LMCD1: variants seen among roughly 807,000 people sequenced by gnomAD.
The protein encoded by LMCD1 is LIM and cysteine rich domains 1, also known as LIM and cysteine-rich domains protein 1.
A neutral mutation model predicts 42.7 loss-of-function variants in LMCD1; 32 were observed. The observed-to-expected ratio is 0.75, with a 90% confidence interval of 0.57 to 1.01. The LOEUF (loss-of-function observed/expected upper bound fraction) is 1.01, where lower values mean the gene tolerates loss of function less well. LMCD1 is among the 50% of genes least tolerant of loss of function. The probability of loss-of-function intolerance (pLI) is 0.00; values close to 1 mark genes in which losing one functional copy is unlikely to be tolerated. For synonymous variants in LMCD1, 178 were observed against 184.9 expected, an observed-to-expected ratio of 0.96 and a Z score of 0.30; for missense variants, 458 against 483.1, an observed-to-expected ratio of 0.95 and a Z score of 0.49.
chr3:8,555,179 C>G (rs1287656186), intron 4 of LMCD1, among the ~76,000 whole-genome samples: 1 of 151,914 alleles, frequency 6.6e-6, no homozygotes, highest in Admixed American at 6.5e-5. Context: ...GGCCTCCGTC[C>G]CCTCCCTCCC....
chr3:8,549,727 G>A (rs1694805176), intron 4 of LMCD1: 1 of 681,860 alleles, frequency 1.5e-6, no homozygotes, highest in Non-Finnish European at 2.7e-6. Flanking sequence ...TACATCTGTG[G>A]AGGCTGAGAA....
intron 4 of LMCD1, among the ~76,000 whole-genome samples, chr3:8,551,583 A>G (rs1001178681): frequency 2.6e-5 from 4 of 152,160 alleles, no homozygotes; most frequent in African/African-American, 9.7e-5. Flanking sequence ...CCGGCTTGTT[A>G]TTTGTTCCAG....
chr3:8,567,990 A>G lies in LMCD1; in HGVS notation c.*392A>G, dbSNP rs538432664. On this transcript the variant is annotated 3_prime_UTR_variant, in exon 6 of 6. Coordinates refer to ENST00000157600, the MANE Select transcript of LMCD1 (RefSeq NM_014583.4). Reference sequence around the variant, plus strand: ...AATGTGCGTGCTTTTTTGTGGACACAGGAGCTCCTCCAGGAGCAGGCTGGG... The same window carrying G: ...AATGTGCGTGCTTTTTTGTGGACACGGGAGCTCCTCCAGGAGCAGGCTGGG... The G allele has an allele frequency of 1.1e-4, 17 of 155,360 alleles. No homozygotes were observed. The highest frequency in any genetic ancestry group is 1.0e-3 in the South Asian group (5 of 4,860). 9.6% of individuals were successfully genotyped at this position (155,360 alleles called of 1,614,324 possible). A position where few individuals can be genotyped will look rare whatever the true frequency, so the allele number is the denominator to read the frequency against.
At chr3:8,509,071 G>A (rs1693941879) in intron 1 of LMCD1, among the ~76,000 whole-genome samples, 3 of 152,176 alleles carry the variant, frequency 2.0e-5, no homozygotes, top group Non-Finnish European at 1.5e-5. Context: ...GCTCACCGTA[G>A]TTCTACATTT....
intron 4 of LMCD1, among the ~76,000 whole-genome samples, chr3:8,551,651 G>A (rs984463721): frequency 3.3e-5 from 5 of 152,162 alleles, no homozygotes; most frequent in African/African-American, 1.2e-4. Context: ...TGAAGCAGGG[G>A]AGGTAATCCT....
chr3:8,538,230 C>T, intron 3 of LMCD1, among the ~76,000 whole-genome samples: 1 of 152,180 alleles, frequency 6.6e-6, no homozygotes. Context: ...GGGTAGATAT[C>T]ACCTGGGGAG....
At chr3:8,551,309 C>A in intron 4 of LMCD1, 13 of 985,438 alleles carry the variant, frequency 1.3e-5, no homozygotes, top group Non-Finnish European at 1.6e-5. Context: ...AAAATGGGAT[C>A]TATTTGGATG....
chr3:8,532,932 G>A, intron 2 of LMCD1, 107 bp downstream of exon 2: 1 of 899,716 alleles, frequency 1.1e-6, no homozygotes, highest in South Asian at 1.5e-5. Flanking sequence ...TGTATGCGTT[G>A]TCAGGGAAGG....
chr3:8,520,360 A>G (rs73130036), intron 1 of LMCD1, among the ~76,000 whole-genome samples: 7,063 of 152,274 alleles, frequency 0.046, 293 homozygotes, highest in African/African-American at 0.1. Context: ...GCTTACAGAT[A>G]TATCCTTGAG....
chr3:8,572,485 T>G lies in LMCD1; in HGVS notation c.*4887T>G, dbSNP rs1348189540. On this transcript the variant is annotated 3_prime_UTR_variant, in exon 6 of 6. Transcript: ENST00000157600. ...AAATTCCACTCACTCATTCTTAGTA[T>G]TCATTGACGTTTACTGATCGAACTA... 6.6e-6 allele frequency: 1 copy of G among 152,246 alleles called. No homozygotes were observed. Among genetic ancestry groups the G allele is most frequent in the Non-Finnish European group, 1.5e-5 (1 of 68,052 alleles). 9.4% of individuals were successfully genotyped at this position (152,246 alleles called of 1,614,324 possible). A position where few individuals can be genotyped will look rare whatever the true frequency, so the allele number is the denominator to read the frequency against.
intron 5 of LMCD1, 103 bp from the exon 6 acceptor site, chr3:8,567,337 G>T: frequency 8.4e-7 from 1 of 1,187,670 alleles, no homozygotes. Flanking sequence ...GTCAAAACAA[G>T]AATAGGATGG....
rs777428418 is a variant in LMCD1, at chr3:8,532,769, T to C, written c.75T>C (p.Gly25=). Residue 25 remains glycine (G), a synonymous_variant, in exon 2 of 6, where the codon GGT becomes GGC. Coordinates refer to ENST00000157600, the MANE Select transcript of LMCD1 (RefSeq NM_014583.4). ...MSLGQLQSAR[G]VACLGCKGTC... Reference sequence around the variant, plus strand: ...TGGGCCAGCTGCAGTCAGCAAGAGGTGTGGCATGTTTGGGATGCAAGGGGA... The same window carrying C: ...TGGGCCAGCTGCAGTCAGCAAGAGGCGTGGCATGTTTGGGATGCAAGGGGA... The C allele has an allele frequency of 1.2e-6, 2 of 1,613,846 alleles. No individual in the cohort carries two copies. The highest frequency in any genetic ancestry group is 1.7e-6 in the Non-Finnish European group (2 of 1,179,892).
At chr3:8,555,175 C>T (rs1235373766) in intron 4 of LMCD1, among the ~76,000 whole-genome samples, 2 of 152,140 alleles carry the variant, frequency 1.3e-5, no homozygotes, top group African/African-American at 4.8e-5. Flanking sequence ...GGGAGGCCTC[C>T]GTCCCCTCCC....
intron 4 of LMCD1, among the ~76,000 whole-genome samples, chr3:8,553,949 G>T (rs554574876): frequency 3.9e-5 from 6 of 152,176 alleles, no homozygotes; most frequent in Non-Finnish European, 8.8e-5. Context: ...CCCATTGTGC[G>T]GGGATGGAGG....
Position 8,548,695 on chromosome 3 carries a change from G to A in LMCD1, c.515G>A (p.Arg172His), listed in dbSNP as rs200280069. 7.6e-5 allele frequency: 123 copies of A among 1,614,050 alleles called. No homozygotes were observed. The highest frequency in any genetic ancestry group is 6.5e-4 in the Admixed American group (39 of 60,004). The change falls in exon 4 of 6, where the codon CGT (arginine) becomes CAT (histidine). Residue 172 changes from arginine to histidine, a missense_variant. Arg to His is a conservative substitution (Grantham distance 29). Coordinates refer to ENST00000157600, the MANE Select transcript of LMCD1 (RefSeq NM_014583.4). ...PIYDQDPSRC[R>H]GLLENELKLM... ...TATGACCAGGATCCCTCGCGCTGCC[G>A]TGGACTTTTGGAGAATGAGTTGAAA...
At chr3:8,551,799 C>T (rs11715539) in intron 4 of LMCD1, among the ~76,000 whole-genome samples, 23,174 of 152,142 alleles carry the variant, frequency 0.15, 1,942 homozygotes, top group African/African-American at 0.22. Context: ...GACGTGTGTG[C>T]TGGCTGCCCT....
At chr3:8,556,517 C>A (rs1694935745) in intron 4 of LMCD1, among the ~76,000 whole-genome samples, 1 of 152,080 alleles carries the variant, frequency 6.6e-6, no homozygotes, top group South Asian at 2.1e-4. Flanking sequence ...ATTGTCTAGT[C>A]ACCTAGATGG....
chr3:8,503,956 A>G (rs554793816), intron 1 of LMCD1, among the ~76,000 whole-genome samples: 1 of 152,234 alleles, frequency 6.6e-6, no homozygotes, highest in South Asian at 2.1e-4. Flanking sequence ...TTTCCTTTGC[A>G]TAGGGGAGTG....
chr3:8,514,863 GA>G (rs940302223), intron 1 of LMCD1: 30 of 447,920 alleles, frequency 6.7e-5, no homozygotes, highest in African/African-American at 4.0e-4. Flanking sequence ...GGTGTTTATT[GA>G]ATAGAAAGTG....
Sources: gnomAD v4.1 joint callset for allele counts (sites outside exome capture counted in the v4.1 genomes callset) on GRCh38, gnomAD v4.1.1 for gene constraint, MANE v1.5 for transcripts, NCBI Gene and HGNC (gene_info 2026-07-23, HGNC 2026-07-21) for gene names.